Variants in COMMD1 observed in about 807,000 individuals in gnomAD.
COMMD1 encodes COMM domain-containing protein 1.
Under a neutral mutation model 17.2 loss-of-function variants are expected in COMMD1, and 10 were observed. The observed-to-expected ratio is 0.58, with a 90% CI of 0.36 to 0.99. The LOEUF (loss-of-function observed/expected upper bound fraction) is 0.99, where lower values mean the gene tolerates loss of function less well. Ranked by LOEUF, COMMD1 falls within the 50% of genes least tolerant of loss-of-function variation. The pLI, the probability that COMMD1 is intolerant of heterozygous loss-of-function variation, is 0.01. For synonymous variants in COMMD1, 97 were observed against 91.6 expected, an observed-to-expected ratio of 1.06 and a Z score of -0.34; for missense variants, 270 against 231.8, an observed-to-expected ratio of 1.17 and a Z score of -1.07.
upstream of COMMD1, among the ~76,000 whole-genome samples, chr2:61,904,213 G>T (rs760650643): frequency 6.6e-6 from 1 of 151,856 alleles, no homozygotes; most frequent in Non-Finnish European, 1.5e-5. Context: ...GGGTTTCACC[G>T]TGTTAGCCAG....
intron 1 of COMMD1, chr2:61,968,943 GTCT>G (rs750957458): frequency 3.7e-6 from 1 of 273,158 alleles, no homozygotes. Flanking sequence ...TCTTTATTTA[GTCT>G]TTTTTTTTTT....
At chr2:61,913,545 C>T (rs1668458472) in intron 1 of COMMD1, among the ~76,000 whole-genome samples, 1 of 151,352 alleles carries the variant, frequency 6.6e-6, no homozygotes, top group Non-Finnish European at 1.5e-5. Context: ...ACTAAATTAG[C>T]TCTACTAAAA....
intron 2 of COMMD1, among the ~76,000 whole-genome samples, chr2:62,105,540 T>G (rs1672306244): frequency 6.6e-6 from 1 of 152,244 alleles, no homozygotes; most frequent in Non-Finnish European, 1.5e-5. Context: ...ATGACCAGAT[T>G]GGGCTGGGTG....
At chr2:61,933,305 T>G (rs1408447621) in intron 1 of COMMD1, among the ~76,000 whole-genome samples, 1 of 151,970 alleles carries the variant, frequency 6.6e-6, no homozygotes, top group Non-Finnish European at 1.5e-5. Flanking sequence ...GTATCCCTGA[T>G]GCTTAGCTGC....
chr2:61,905,976 C>A, intron 1 of COMMD1, 118 bp downstream of exon 1: 1 of 988,226 alleles, frequency 1.0e-6, no homozygotes, highest in Non-Finnish European at 1.6e-6. Flanking sequence ...CCCTCTCAGA[C>A]CTCCACTCCG....
intron 2 of COMMD1, among the ~76,000 whole-genome samples, chr2:62,124,253 C>T (rs575180863): frequency 6.6e-6 from 1 of 152,064 alleles, no homozygotes; most frequent in East Asian, 1.9e-4. Context: ...GAGCTGAGAT[C>T]GTGCCACTGC....
intron 1 of COMMD1, among the ~76,000 whole-genome samples, chr2:61,892,422 G>A (rs55828038): frequency 0.16 from 24,367 of 151,968 alleles, 2,444 homozygotes; most frequent in Middle Eastern, 0.24. Context: ...GGCCAGGTGC[G>A]GTGGCTCATG....
At chr2:61,909,166 G>A (rs1036198835) in intron 1 of COMMD1, among the ~76,000 whole-genome samples, 1 of 152,052 alleles carries the variant, frequency 6.6e-6, no homozygotes. Flanking sequence ...GACCTCAGAT[G>A]ATCTGCCCGC....
chr2:62,126,126 A>G (rs1672880395), intron 2 of COMMD1, among the ~76,000 whole-genome samples: 2 of 152,220 alleles, frequency 1.3e-5, no homozygotes, highest in African/African-American at 4.8e-5. Flanking sequence ...ACTGCATAGT[A>G]TTCCATGGTG....
At chr2:61,972,631 C>T (rs950682689) in intron 1 of COMMD1, among the ~76,000 whole-genome samples, 4 of 152,124 alleles carry the variant, frequency 2.6e-5, no homozygotes, top group African/African-American at 4.8e-5. Flanking sequence ...TTTATCTCTG[C>T]GTTCTTTCTC....
At chr2:62,001,439 G>A (rs1168170289) in intron 2 of COMMD1, among the ~76,000 whole-genome samples, 1 of 152,182 alleles carries the variant, frequency 6.6e-6, no homozygotes, top group African/African-American at 2.4e-5. Context: ...CCCTAAATGT[G>A]CTATCTCTGT....
At position 62,082,034 on chromosome 2, in the gene COMMD1, A is replaced by G. The variant is rs141329105; in HGVS notation, c.463-53797A>G. Among the ~76,000 whole-genome samples, 689 of 152,296 alleles carry G rather than the reference A, an allele frequency of 4.5e-3. 8 individuals carry two copies. The highest frequency in any genetic ancestry group is 0.014 in the African/African-American group (598 of 41,548). On this transcript the variant is annotated intron_variant, in intron 2 of 2. Transcript: ENST00000311832. ...GGTAGTTAGAAAATGTCATTGAAAT[A>G]TATATACTACATTTATCGTTGGACC...
intron 2 of COMMD1, chr2:62,090,555 A>G (rs1200053759): frequency 1.3e-5 from 2 of 152,232 alleles, no homozygotes; most frequent in African/African-American, 4.8e-5. Flanking sequence ...TTAACAGTGG[A>G]CAAATCTATT....
chr2:62,005,787 C>T lies in COMMD1; in HGVS notation c.462+4805C>T, dbSNP rs1307969684. On this transcript the variant is annotated intron_variant, in intron 2 of 2. Coordinates refer to ENST00000311832, the MANE Select transcript of COMMD1 (RefSeq NM_152516.4). ...TCAACCATTGTGGAAGTCAGTGTGG[C>T]GATTCCTCAGGGATCTAGAACTAGA... 6.0e-5 allele frequency among the ~76,000 whole-genome samples: 9 copies of T among 151,230 alleles called. No individual in the cohort carries two copies. In the East Asian group the frequency reaches 1.2e-3, roughly 20 times the overall value.
intron 2 of COMMD1, among the ~76,000 whole-genome samples, chr2:62,072,710 ATC>A (rs1488005980): frequency 1.3e-5 from 2 of 152,154 alleles, no homozygotes; most frequent in Non-Finnish European, 2.9e-5. Flanking sequence ...GTTTGCTGGC[ATC>A]TCTGAGTTTT....
intron 1 of COMMD1, among the ~76,000 whole-genome samples, chr2:61,991,139 C>G (rs982765963): frequency 1.3e-5 from 2 of 151,744 alleles, no homozygotes; most frequent in African/African-American, 4.8e-5. Context: ...CATTCAAATT[C>G]TTTTTTTTCT....
chr2:62,086,153 G>C (rs978268539), intron 2 of COMMD1, among the ~76,000 whole-genome samples: 1 of 152,098 alleles, frequency 6.6e-6, no homozygotes, highest in African/African-American at 2.4e-5. Flanking sequence ...CTGCACTCCA[G>C]CCTGGGATAC....
In COMMD1 at chr2:62,005,466, T is replaced by C. The variant is rs183859304; in HGVS notation, c.462+4484T>C. 4.1e-3 allele frequency among the ~76,000 whole-genome samples: 617 copies of C among 152,200 alleles called. 2 individuals carry two copies. The highest frequency in any genetic ancestry group is 5.2e-3 in the Non-Finnish European group (356 of 68,018). On this transcript the variant is annotated intron_variant, in intron 2 of 2. Coordinates refer to ENST00000311832, the MANE Select transcript of COMMD1 (RefSeq NM_152516.4). ...AAAATTGGAAGCCAAAGGGCTAATA[T>C]CCAGAATCTACAATGAACTCAAACA...
rs182802734 is a variant in COMMD1, at chr2:61,957,791, T to C, written c.181-42910T>C. 5.9e-5 allele frequency among the ~76,000 whole-genome samples: 9 copies of C among 152,338 alleles called. No individual in the cohort carries two copies. In the East Asian group the frequency reaches 1.2e-3, roughly 20 times the overall value. On this transcript the variant is annotated intron_variant, in intron 1 of 2. Transcript: ENST00000311832. ...AAATCCATTCTCTAATAAACCAAAC[T>C]CTTTTCTTCATTCCTGTTAAGAGTT...
Sources: allele counts gnomAD v4.1 joint callset (sites outside exome capture counted in the v4.1 genomes callset), GRCh38; gene constraint gnomAD v4.1.1; transcripts MANE v1.5; gene names NCBI Gene and HGNC (gene_info 2026-07-23, HGNC 2026-07-21).